GABRG3: variants seen among roughly 807,000 people sequenced by gnomAD.
The protein encoded by GABRG3 is gamma-aminobutyric acid receptor subunit gamma-3.
Under a neutral mutation model 48.8 loss-of-function variants are expected in GABRG3, and 25 were observed. The observed-to-expected ratio is 0.51, with a 90% confidence interval of 0.37 to 0.72. The LOEUF (loss-of-function observed/expected upper bound fraction) is 0.72, where lower values mean the gene tolerates loss of function less well. GABRG3 is among the 30% of genes least tolerant of loss of function. The pLI, the probability that GABRG3 is intolerant of heterozygous loss-of-function variation, is 0.00. For missense variants in GABRG3, 394 were observed against 577.9 expected (o/e 0.68, Z 3.26); for synonymous variants, 227 against 217.6 (o/e 1.04, Z -0.38).
intron 5 of GABRG3, among the ~76,000 whole-genome samples, chr15:27,376,701 A>C (rs2140560380): frequency 6.6e-6 from 1 of 152,242 alleles, no homozygotes. Flanking sequence ...CCTAGGCTGA[A>C]CACCACAGGG....
At chr15:27,192,419 C>A (rs894805120) in intron 3 of GABRG3, among the ~76,000 whole-genome samples, 1 of 152,006 alleles carries the variant, frequency 6.6e-6, no homozygotes, top group Non-Finnish European at 1.5e-5. Context: ...AGGCTTTGTT[C>A]GTTTCTTTTT....
intron 5 of GABRG3, among the ~76,000 whole-genome samples, chr15:27,396,957 G>A (rs76396746): frequency 6.6e-6 from 1 of 152,124 alleles, no homozygotes; most frequent in Non-Finnish European, 1.5e-5. Flanking sequence ...ATGGGGAGGG[G>A]TATTATCAAT....
chr15:27,510,406 A>C (rs1045234370), intron 6 of GABRG3, among the ~76,000 whole-genome samples: 4 of 152,176 alleles, frequency 2.6e-5, no homozygotes, highest in Admixed American at 1.3e-4. Context: ...CAGCTGCAGT[A>C]GATTTCCACC....
At chr15:27,375,816 C>A (rs560265322) in intron 5 of GABRG3, among the ~76,000 whole-genome samples, 1 of 152,102 alleles carries the variant, frequency 6.6e-6, no homozygotes, top group Non-Finnish European at 1.5e-5. Flanking sequence ...CACAGCCAAA[C>A]CATATCATTC....
intron 5 of GABRG3, chr15:27,419,189 C>A (rs1339179194): frequency 6.6e-6 from 1 of 152,258 alleles, no homozygotes; most frequent in African/African-American, 2.4e-5. Context: ...CGAAGGGCCC[C>A]TGCACCTCCT....
chr15:27,381,045 C>A (rs530645197), intron 5 of GABRG3, among the ~76,000 whole-genome samples: 2 of 152,036 alleles, frequency 1.3e-5, no homozygotes, highest in Non-Finnish European at 2.9e-5. Flanking sequence ...GATTACAGGC[C>A]TGAGCCACCG....
At chr15:27,069,495 C>T (rs1472492373) in intron 3 of GABRG3, among the ~76,000 whole-genome samples, 1 of 152,176 alleles carries the variant, frequency 6.6e-6, no homozygotes. Flanking sequence ...CAGAGAGACT[C>T]GCGCAGGAAT....
intron 3 of GABRG3, chr15:27,161,305 G>A (rs1012385451): frequency 2.6e-5 from 4 of 152,138 alleles, no homozygotes; most frequent in African/African-American, 9.7e-5. Flanking sequence ...CAGAGACAAA[G>A]GACATTGTTA....
At chr15:27,227,048 G>T (rs889159408) in intron 3 of GABRG3, among the ~76,000 whole-genome samples, 3 of 152,204 alleles carry the variant, frequency 2.0e-5, no homozygotes, top group Non-Finnish European at 2.9e-5. Context: ...TTTCACATGA[G>T]GTGCATAAAC....
At chr15:27,043,198 G>C (rs978144707) in intron 3 of GABRG3, among the ~76,000 whole-genome samples, 7 of 152,128 alleles carry the variant, frequency 4.6e-5, no homozygotes, top group African/African-American at 1.4e-4. Flanking sequence ...GATGGAATTT[G>C]GTGGGACCCT....
At chr15:27,349,535 C>T (rs1211459616) in intron 5 of GABRG3, among the ~76,000 whole-genome samples, 1 of 152,204 alleles carries the variant, frequency 6.6e-6, no homozygotes, top group African/African-American at 2.4e-5. Flanking sequence ...AGGTTGGTGT[C>T]CTTGGCTTCC....
Position 27,205,101 on chromosome 15 carries a change from C to T in GABRG3, c.271-121708C>T, listed in dbSNP as rs145892805. Among the ~76,000 whole-genome samples the T allele has an allele frequency of 5.3e-3, 806 of 151,900 alleles. 7 individuals are homozygous for T. Among genetic ancestry groups the T allele is most frequent in the African/African-American group, 0.019 (781 of 41,452 alleles). On this transcript the variant is annotated intron_variant, in intron 3 of 9. Coordinates refer to ENST00000615808, the MANE Select transcript of GABRG3 (RefSeq NM_033223.5). ...GGACTTCCAGTACTATGTTGAATAG[C>T]GGTGGCGAGAGAAGGTATCCTTGTC...
chr15:27,380,789 C>T (rs1164918947), intron 5 of GABRG3, among the ~76,000 whole-genome samples: 3 of 137,978 alleles, frequency 2.2e-5, no homozygotes, highest in Admixed American at 7.6e-5. Flanking sequence ...TTTGAGACAG[C>T]GAGTCTCACT....
intron 3 of GABRG3, among the ~76,000 whole-genome samples, chr15:27,308,473 A>G (rs1371591518): frequency 6.8e-6 from 1 of 147,984 alleles, no homozygotes; most frequent in African/African-American, 2.4e-5. Flanking sequence ...GTTTATATAT[A>G]AACATATAAT....
chr15:27,448,397 G>C (rs535816597), intron 5 of GABRG3, among the ~76,000 whole-genome samples: 1 of 152,148 alleles, frequency 6.6e-6, no homozygotes, highest in Admixed American at 6.5e-5. Context: ...AATACAAGGA[G>C]GAATCACGTG....
At chr15:27,076,428 A>G (rs766439119) in intron 3 of GABRG3, among the ~76,000 whole-genome samples, 1 of 148,160 alleles carries the variant, frequency 6.7e-6, no homozygotes, top group Non-Finnish European at 1.5e-5. Flanking sequence ...GGTTCAAGCG[A>G]TTCTCCTGCC....
chr15:27,173,355 G>GT, intron 3 of GABRG3, among the ~76,000 whole-genome samples: 1 of 152,098 alleles, frequency 6.6e-6, no homozygotes. Context: ...CACTGAGAAA[G>GT]TAACTCAAAC....
intron 6 of GABRG3, among the ~76,000 whole-genome samples, chr15:27,487,326 A>T (rs1210213391): frequency 6.6e-6 from 1 of 152,214 alleles, no homozygotes; most frequent in Non-Finnish European, 1.5e-5. Flanking sequence ...CATTTAATAT[A>T]TTATGACAGT....
At chr15:27,011,478 C>T (rs1331673003) in intron 2 of GABRG3, among the ~76,000 whole-genome samples, 7 of 152,128 alleles carry the variant, frequency 4.6e-5, no homozygotes, top group Non-Finnish European at 1.0e-4. Context: ...GCCTTTGTGG[C>T]TTCAACCCCC....
Sources: allele counts gnomAD v4.1 joint callset (sites outside exome capture counted in the v4.1 genomes callset), GRCh38; gene constraint gnomAD v4.1.1; transcripts MANE v1.5; gene names NCBI Gene and HGNC (gene_info 2026-07-23, HGNC 2026-07-21).